DNAJC14: variants seen among roughly 807,000 people sequenced by gnomAD.
The protein encoded by DNAJC14 is dnaJ homolog subfamily C member 14.
Under a neutral mutation model 68.8 loss-of-function variants are expected in DNAJC14, and 12 were observed. That is an observed-to-expected ratio of 0.17 (90% confidence interval 0.11 to 0.28). The LOEUF (loss-of-function observed/expected upper bound fraction) is 0.28, where lower values mean the gene tolerates loss of function less well. DNAJC14 is among the 10% of genes least tolerant of loss of function. The probability of loss-of-function intolerance (pLI) is 1.00; values close to 1 mark genes in which losing one functional copy is unlikely to be tolerated. For synonymous variants in DNAJC14, 350 were observed against 321.5 expected (o/e 1.09, Z -0.95); for missense variants, 764 against 875.6 (o/e 0.87, Z 1.61).
Position 55,827,446 on chromosome 12 carries a change from T to C in DNAJC14, c.1213A>G (p.Lys405Glu). ...TTCCCCTGCCTATTAATATTCTGCT[T>C]GACCCAAGGCAACTCCAGCCAGCCC... The part of the protein sequence containing the change: ...QWGWLELPWV[K>E]QNINRQGNAP... The change falls in exon 2 of 7, where the codon AAG becomes GAG. Residue 405 changes from lysine (K) to glutamate (E), a missense_variant. Lys to Glu is a moderately conservative substitution (Grantham distance 56). Around this residue, in one of 4 missense-constraint regions of DNAJC14, gnomAD observed 514 missense variants for 521.7 expected, o/e 0.99. Transcript: ENST00000678005. 4 of 1,607,566 alleles carry C rather than the reference T, an allele frequency of 2.5e-6. No homozygotes were observed. The highest frequency in any genetic ancestry group is 3.4e-6 in the Non-Finnish European group (4 of 1,175,828).
intron 2 of DNAJC14, among the ~76,000 whole-genome samples, chr12:55,823,764 G>A (rs536463202): frequency 3.9e-4 from 58 of 149,684 alleles, no homozygotes; most frequent in Non-Finnish European, 1.3e-4. Context: ...GAGTGCAGTG[G>A]CACGATCTCA....
In DNAJC14 at chr12:55,821,887, G is replaced by C. The variant is rs779432209; in HGVS notation, c.*90C>G. On this transcript the variant is annotated 3_prime_UTR_variant, in exon 7 of 7. Transcript: ENST00000678005. Reference sequence around the variant, plus strand: ...TAAAAAGAAAAAGATTCAGTTCCTAGGTGTTGGGGGAGGAGGGATAAATCA... The same window carrying C: ...TAAAAAGAAAAAGATTCAGTTCCTACGTGTTGGGGGAGGAGGGATAAATCA... The C allele has an allele frequency of 2.1e-5, 28 of 1,315,622 alleles. No homozygotes were observed. Among genetic ancestry groups the C allele is most frequent in the Non-Finnish European group, 2.7e-5 (26 of 962,484 alleles). The allele number at this position is 1,315,622 out of a possible 1,614,324, so 81.5% of individuals were successfully genotyped here. A position where few individuals can be genotyped will look rare whatever the true frequency, so the allele number is the denominator to read the frequency against.
chr12:55,827,823 A>C lies in DNAJC14; in HGVS notation c.836T>G (p.Leu279Arg). 6.2e-7 allele frequency: 1 copy of C among 1,614,028 alleles called. No homozygotes were observed. Among genetic ancestry groups the C allele is most frequent in the South Asian group, 1.1e-5 (1 of 91,074 alleles). Residue 279 changes from leucine to arginine, a missense_variant, in exon 2 of 7, where the codon CTG becomes CGG. By Grantham distance (102) the Leu-to-Arg change is moderately radical. Around this residue, in one of 4 missense-constraint regions of DNAJC14, gnomAD observed 514 missense variants for 521.7 expected, o/e 0.99. Coordinates refer to ENST00000678005, the MANE Select transcript of DNAJC14 (RefSeq NM_032364.6). ...AAAAAGGTCCAAATCACTGCTTTTC[A>C]GTTGCCTGCAGGCATAGATGAGATG... is the stretch of plus-strand genomic sequence containing the variant. ...CGHLIYACRQ[L>R]KSSDLDLFRV... is the part of the protein sequence containing the mutation.
intron 1 of DNAJC14, 63 bp downstream of exon 1, chr12:55,829,426 C>T: frequency 1.0e-6 from 1 of 978,990 alleles, no homozygotes; most frequent in Non-Finnish European, 1.2e-6. Context: ...GTCTGGGTGA[C>T]AGAGCGAGAC....
At chr12:55,829,764 T>A, upstream of DNAJC14, 1 of 243,164 alleles carries the variant, frequency 4.1e-6, no homozygotes, top group African/African-American at 2.3e-5. Context: ...CCCCGCCATT[T>A]AAAGGCCCCT....
chr12:55,829,441 T>C lies in DNAJC14; in HGVS notation c.-57+48A>G, dbSNP rs1421585604. 9.3e-6 allele frequency: 9 copies of C among 971,194 alleles called. No homozygotes were observed. In the African/African-American group the frequency reaches 1.7e-4, roughly 19 times the overall value. The allele number at this position is 971,194 out of a possible 1,614,324, so 60.2% of individuals were successfully genotyped here. Reference sequence around the variant, plus strand: ...GTCTGGGTGACAGAGCGAGACTCCATCTCAAAAAAACAAAAAAAAACGAAA... The same window carrying C: ...GTCTGGGTGACAGAGCGAGACTCCACCTCAAAAAAACAAAAAAAAACGAAA... On this transcript the variant is annotated intron_variant, in intron 1 of 6. Coordinates refer to ENST00000678005, the MANE Select transcript of DNAJC14 (RefSeq NM_032364.6).
At chr12:55,829,592 C>T (rs1432065396), upstream of DNAJC14, 2 of 985,522 alleles carry the variant, frequency 2.0e-6, no homozygotes, top group Non-Finnish European at 2.4e-6. Context: ...CGCTCTGCTT[C>T]CGCCTTCCGT....
chr12:55,823,984 G>A (rs145012270), intron 2 of DNAJC14, among the ~76,000 whole-genome samples: 38 of 151,600 alleles, frequency 2.5e-4, no homozygotes, highest in African/African-American at 7.8e-4. Context: ...GATTACAGGC[G>A]TGTGCCATCA....
At position 55,827,994 on chromosome 12, in the gene DNAJC14, C is replaced by A; in HGVS notation, c.665G>T (p.Arg222Leu). ...RRDPRSPGRH[R>L]LGRKRSQADK... is the part of the protein sequence containing the mutation. Reference sequence around the variant, plus strand: ...TGCCTGACTTCGTTTCCGACCCAGCCGATGTCGACCAGGGGACCTGGGATC... The same window carrying A: ...TGCCTGACTTCGTTTCCGACCCAGCAGATGTCGACCAGGGGACCTGGGATC... The change falls in exon 2 of 7, where the codon CGG (arginine) becomes CTG (leucine). Residue 222 changes from arginine (R) to leucine (L), a missense_variant. Arg to Leu is a moderately radical substitution (Grantham distance 102). This residue lies in a region of DNAJC14 where 514 missense variants were observed against 521.7 expected (regional missense o/e 0.99). Coordinates refer to ENST00000678005, the MANE Select transcript of DNAJC14 (RefSeq NM_032364.6). 4 of 1,613,360 alleles carry A rather than the reference C, an allele frequency of 2.5e-6. No homozygotes were observed. The highest frequency in any genetic ancestry group is 3.4e-6 in the Non-Finnish European group (4 of 1,179,866).
At chr12:55,822,969 G>C in intron 4 of DNAJC14, 101 bp downstream of exon 4, 1 of 1,534,290 alleles carries the variant, frequency 6.5e-7, no homozygotes, top group Non-Finnish European at 8.7e-7. Context: ...CTAATTATGA[G>C]ATACAGATGT....
At position 55,822,131 on chromosome 12, in the gene DNAJC14, T is replaced by A. The variant is rs1306087832; in HGVS notation, c.1955A>T (p.Gln652Leu). Reference protein sequence around the residue: ...DLQDFLSRIFQVPPGQMPNGN... With the variant: ...DLQDFLSRIFLVPPGQMPNGN... The stretch of plus-strand genomic sequence containing the variant: ...ATTGGGCATCTGCCCTGGGGGTACT[T>A]GAAAGATCCGACTCAAGAAATCCTG... Residue 652 changes from glutamine (Q) to leucine (L), a missense_variant, in exon 7 of 7, where the codon CAA (glutamine) becomes CTA (leucine). By Grantham distance (113) the Gln-to-Leu change is moderately radical. Transcript: ENST00000678005. 1 of 1,608,230 alleles carries A rather than the reference T, an allele frequency of 6.2e-7. No homozygotes were observed. Among genetic ancestry groups the A allele is most frequent in the Non-Finnish European group, 8.5e-7 (1 of 1,178,022 alleles).
intron 2 of DNAJC14, among the ~76,000 whole-genome samples, chr12:55,825,508 A>C (rs1042428789): frequency 6.6e-6 from 1 of 151,062 alleles, no homozygotes; most frequent in East Asian, 1.9e-4. Flanking sequence ...TCCCTCAAGC[A>C]TAAGGTGCAT....
Position 55,828,326 on chromosome 12 carries a change from G to C in DNAJC14, c.333C>G (p.Asn111Lys), listed in dbSNP as rs755933199. The C allele has an allele frequency of 6.2e-7, 1 of 1,613,436 alleles. No individual in the cohort carries two copies. The highest frequency in any genetic ancestry group is 2.2e-5 in the East Asian group (1 of 44,878). Reference sequence around the variant, plus strand: ...TCCCATCCTTCTGGTTCCCAGTCTCGTTTTCTTTTGAGAGTTCCTGGTCCA... The same window carrying C: ...TCCCATCCTTCTGGTTCCCAGTCTCCTTTTCTTTTGAGAGTTCCTGGTCCA... ...SGVDQELSKE[N>K]ETGNQKDGNS... Residue 111 changes from asparagine (N) to lysine (K), a missense_variant, in exon 2 of 7, where the codon AAC becomes AAG. Physicochemically the swap from Asn to Lys is moderately conservative, Grantham distance 94. Around this residue, in one of 4 missense-constraint regions of DNAJC14, gnomAD observed 514 missense variants for 521.7 expected, o/e 0.99. Transcript: ENST00000678005.
At chr12:55,822,343 GGATA>G in intron 6 of DNAJC14, 26 bp downstream of exon 6, 1 of 1,602,694 alleles carries the variant, frequency 6.2e-7, no homozygotes, top group Non-Finnish European at 8.5e-7. Context: ...CTGAAATAGT[GGATA>G]GATTATTGAC....
At chr12:55,823,293 G>T (rs899621296) in intron 3 of DNAJC14, 104 bp from the exon 4 acceptor site, 1 of 1,598,918 alleles carries the variant, frequency 6.3e-7, no homozygotes, top group South Asian at 1.1e-5. Context: ...AAAGACAAGT[G>T]ACTTCAGTTC....
chr12:55,830,149 A>ACCCAG (rs1489224684), upstream of DNAJC14: 2 of 151,584 alleles, frequency 1.3e-5, no homozygotes, highest in African/African-American at 4.9e-5. Context: ...CCCGCGCTTG[A>ACCCAG]CCCAGCTGGC....
In DNAJC14 at chr12:55,825,823, C is replaced by T. The variant is rs187383232; in HGVS notation, c.1407+1429G>A. Among the ~76,000 whole-genome samples, 542 of 151,788 alleles carry T rather than the reference C, an allele frequency of 3.6e-3. 2 individuals carry two copies. The highest frequency in any genetic ancestry group is 0.013 in the African/African-American group (518 of 41,400). ...CCTCCCAAAGTGCTGGGATTACAGG[C>T]GTAAGCCACCGCGCCTGGCCCTGCA... On this transcript the variant is annotated intron_variant, in intron 2 of 6. Transcript: ENST00000678005.
intron 1 of DNAJC14, chr12:55,829,142 G>A (rs748775005): frequency 2.7e-5 from 27 of 987,212 alleles, no homozygotes; most frequent in Non-Finnish European, 3.1e-5. Flanking sequence ...GGAACCCACC[G>A]GCTGTGTAGA....
Position 55,823,684 on chromosome 12 carries a change from T to C in DNAJC14, c.1408-176A>G, listed in dbSNP as rs115434282. ...AATTCATGGCTCTGTTATAATTAGC[T>C]ACATTACCTTGAATATCTTTTTTTT... On this transcript the variant is annotated intron_variant, in intron 2 of 6. Transcript: ENST00000678005. Among the ~76,000 whole-genome samples the C allele has an allele frequency of 6.5e-3, 981 of 151,138 alleles. 10 individuals are homozygous for C. The highest frequency in any genetic ancestry group is 0.022 in the African/African-American group (908 of 41,126).
Sources: gnomAD v4.1 joint callset for allele counts (sites outside exome capture counted in the v4.1 genomes callset) on GRCh38, gnomAD v4.1.1 for gene constraint, gnomAD v4.1.1 regional missense constraint, MANE v1.5 for transcripts, NCBI Gene and HGNC (gene_info 2026-07-23, HGNC 2026-07-21) for gene names.